The following FEZ1 variants were observed in gnomAD, a reference collection of about 807,000 sequenced individuals.
FEZ1 encodes the protein fasciculation and elongation protein zeta 1.
FEZ1 carries 20 observed loss-of-function variants against 49.3 expected under a neutral mutation model. That is an observed-to-expected ratio of 0.41 (90% CI 0.29 to 0.59). The LOEUF (loss-of-function observed/expected upper bound fraction) is 0.59, where lower values mean the gene tolerates loss of function less well. FEZ1 is among the 20% of genes least tolerant of loss of function. The probability of loss-of-function intolerance (pLI) is 0.36; values close to 1 mark genes in which losing one functional copy is unlikely to be tolerated. For missense variants in FEZ1, 413 were observed against 476.0 expected (o/e 0.87, Z 1.23); for synonymous variants, 170 against 180.9 (o/e 0.94, Z 0.48).
At chr11:125,482,039 G>A (rs1419202466) in intron 2 of FEZ1, among the ~76,000 whole-genome samples, 1 of 152,092 alleles carries the variant, frequency 6.6e-6, no homozygotes, top group Non-Finnish European at 1.5e-5. Context: ...GAGAGAGAGA[G>A]AAAGGGAGAG....
At chr11:125,480,753 T>C (rs1453417945) in intron 3 of FEZ1, among the ~76,000 whole-genome samples, 4 of 152,126 alleles carry the variant, frequency 2.6e-5, no homozygotes, top group Admixed American at 6.6e-5. Flanking sequence ...TTGATAGTAA[T>C]GGCAGGCTGG....
At chr11:125,474,480 A>G (rs748637994) in intron 3 of FEZ1, among the ~76,000 whole-genome samples, 9 of 152,196 alleles carry the variant, frequency 5.9e-5, no homozygotes, top group Non-Finnish European at 1.2e-4. Context: ...CATCACATTT[A>G]AAAAACATTT....
At position 125,444,615 on chromosome 11, in the gene FEZ1, A is replaced by G. The variant is rs1366581189; in HGVS notation, c.*1480T>C. Among the ~76,000 whole-genome samples the G allele has an allele frequency of 6.7e-6, 1 of 149,962 alleles. No homozygotes were observed. The highest frequency in any genetic ancestry group is 1.5e-5 in the Non-Finnish European group (1 of 67,632). ...AAAAAAAGCAGAGGCCCAGGAAGGGAGGCAGGGCACTGGGAGTGCCTTCTG... is the reference window on the plus strand; with the variant it reads ...AAAAAAAGCAGAGGCCCAGGAAGGGGGGCAGGGCACTGGGAGTGCCTTCTG... On this transcript the variant is annotated 3_prime_UTR_variant, in exon 10 of 10. Transcript: ENST00000278919.
At chr11:125,482,931 T>C (rs916830794) in intron 2 of FEZ1, among the ~76,000 whole-genome samples, 1 of 136,024 alleles carries the variant, frequency 7.4e-6, no homozygotes, top group African/African-American at 2.8e-5. Flanking sequence ...TGAGCCATGA[T>C]TGTGTCACTG....
chr11:125,489,810 A>C lies in FEZ1; in HGVS notation c.-33T>G, dbSNP rs1957364926. The C allele has an allele frequency of 6.6e-7, 1 of 1,516,552 alleles. No individual in the cohort carries two copies. Among genetic ancestry groups the C allele is most frequent in the Non-Finnish European group, 8.8e-7 (1 of 1,134,376 alleles). The allele number at this position is 1,516,552 out of a possible 1,614,324, so 93.9% of individuals were successfully genotyped here. A position where few individuals can be genotyped will look rare whatever the true frequency, so the allele number is the denominator to read the frequency against. On this transcript the variant is annotated 5_prime_UTR_variant, in exon 2 of 10. Transcript: ENST00000278919. The surrounding 1 kb of genome is among the most constrained non-coding windows in gnomAD (Gnocchi z 4.2). ...CAGCAGGAGAACAACAGCGACTTTC[A>C]GGATGAGTTTATCTAAAAGAAATGA...
At chr11:125,455,010 T>A (rs538095683) in intron 6 of FEZ1, among the ~76,000 whole-genome samples, 2 of 129,826 alleles carry the variant, frequency 1.5e-5, no homozygotes, top group South Asian at 5.1e-4. Flanking sequence ...TGAGACTCCA[T>A]CTCACCAAAA....
chr11:125,445,283 C>T lies in FEZ1; in HGVS notation c.*812G>A, dbSNP rs1192181311. 2.0e-5 allele frequency among the ~76,000 whole-genome samples: 3 copies of T among 152,192 alleles called. No homozygotes were observed. Among genetic ancestry groups the T allele is most frequent in the Non-Finnish European group, 4.4e-5 (3 of 68,024 alleles). ...AGTACAGGAAACAAGTTGCAGTCCC[C>T]TACGTTGGGAAAGCTCAGCAGAGCT... On this transcript the variant is annotated 3_prime_UTR_variant, in exon 10 of 10. Transcript: ENST00000278919. This position sits in a 1 kb window ranked among gnomAD's most constrained non-coding sequence, Gnocchi z 4.4.
intron 3 of FEZ1, among the ~76,000 whole-genome samples, chr11:125,464,915 A>G (rs1385220939): frequency 6.6e-6 from 1 of 152,082 alleles, no homozygotes. Flanking sequence ...CGTGGTTTCC[A>G]CCGCTCCCCA....
chr11:125,469,431 G>C (rs377112342), intron 3 of FEZ1, among the ~76,000 whole-genome samples: 2 of 152,034 alleles, frequency 1.3e-5, no homozygotes, highest in South Asian at 2.1e-4. Flanking sequence ...ACTAACTTTT[G>C]TATTTTTTGT....
intron 2 of FEZ1, among the ~76,000 whole-genome samples, chr11:125,487,233 G>C (rs140582651): frequency 6.6e-6 from 1 of 152,274 alleles, no homozygotes; most frequent in African/African-American, 2.4e-5. Context: ...GAAGCAAAAG[G>C]AATGGGACGC....
At position 125,450,310 on chromosome 11, in the gene FEZ1, G is replaced by A. The variant is rs139979838; in HGVS notation, c.1097-1743C>T. 9.9e-4 allele frequency among the ~76,000 whole-genome samples: 151 copies of A among 152,280 alleles called. 4 individuals are homozygous for A. The East Asian group carries it at 0.023, about 24-fold the overall frequency. On this transcript the variant is annotated intron_variant, in intron 8 of 9. Transcript: ENST00000278919. ...CTCCCAAAGTGCTGGGATTACAGGC[G>A]TGAGCCACCATACTCGGCCTGTTTT...
Position 125,444,692 on chromosome 11 carries a change from G to A in FEZ1, c.*1403C>T, listed in dbSNP as rs1269196820. On this transcript the variant is annotated 3_prime_UTR_variant, in exon 10 of 10. Coordinates refer to ENST00000278919, the MANE Select transcript of FEZ1 (RefSeq NM_005103.5). ...TCTGTGGAGCTGCTGATGTGATAAA[G>A]TATGGCTTTCTCTGTGGCATGCTTA... Among the ~76,000 whole-genome samples, 1 of 152,162 alleles carries A rather than the reference G, an allele frequency of 6.6e-6. No individual in the cohort carries two copies. The highest frequency in any genetic ancestry group is 1.5e-5 in the Non-Finnish European group (1 of 68,040).
intron 8 of FEZ1, among the ~76,000 whole-genome samples, chr11:125,449,276 G>A (rs1352544322): frequency 1.3e-5 from 2 of 149,802 alleles, no homozygotes; most frequent in Non-Finnish European, 3.0e-5. Context: ...GAACTCCTGG[G>A]CTCAAGCAAT....
At chr11:125,482,044 G>GGA (rs746406179) in intron 2 of FEZ1, among the ~76,000 whole-genome samples, 7 of 151,136 alleles carry the variant, frequency 4.6e-5, no homozygotes, top group South Asian at 2.1e-4. Context: ...AGAGAGAAAG[G>GGA]GAGAGAGAGA....
chr11:125,495,839 G>GC lies in FEZ1; in HGVS notation c.-46+281dup. ...ACACACACACACACACACACACCAG[G>GC]CCTGGCTGGAGGGCCGATGCTGAGA... On this transcript the variant is annotated intron_variant, in intron 1 of 9. Coordinates refer to ENST00000278919, the MANE Select transcript of FEZ1 (RefSeq NM_005103.5). The surrounding 1 kb of genome is among the most constrained non-coding windows in gnomAD (Gnocchi z 4.2). 2 of 310,350 alleles carry GC rather than the reference G, an allele frequency of 6.4e-6. No homozygotes were observed. Among genetic ancestry groups the GC allele is most frequent in the Admixed American group, 4.6e-5 (1 of 21,738 alleles). 19.2% of individuals were successfully genotyped at this position (310,350 alleles called of 1,614,324 possible). A position where few individuals can be genotyped will look rare whatever the true frequency, so the allele number is the denominator to read the frequency against.
chr11:125,489,190 G>T lies in FEZ1; in HGVS notation c.311+277C>A. ...ACTGATATAAAGAAAGCTTAAGATA[G>T]ACAGACCCTGAAATTTACTGTGCTC... On this transcript the variant is annotated intron_variant, in intron 2 of 9. Transcript: ENST00000278919. This position sits in a 1 kb window ranked among gnomAD's most constrained non-coding sequence, Gnocchi z 4.2. 9.1e-7 allele frequency: 1 copy of T among 1,104,126 alleles called. No individual in the cohort carries two copies. The highest frequency in any genetic ancestry group is 4.5e-5 in the South Asian group (1 of 22,432). The allele number at this position is 1,104,126 out of a possible 1,614,324, so 68.4% of individuals were successfully genotyped here.
intron 3 of FEZ1, among the ~76,000 whole-genome samples, chr11:125,477,619 A>G (rs1957243625): frequency 6.6e-6 from 1 of 152,214 alleles, no homozygotes; most frequent in Non-Finnish European, 1.5e-5. Flanking sequence ...TTTACATCCC[A>G]GGAGGCAGAG....
chr11:125,481,842 A>G lies in FEZ1; in HGVS notation c.312-209T>C, dbSNP rs577919873. The stretch of plus-strand genomic sequence containing the variant: ...TGCATGGAGCTTGGCCAGGGGCTTC[A>G]GTGTGAAAGGTGTTTGCTTGAGGGA... On this transcript the variant is annotated intron_variant, in intron 2 of 9. Coordinates refer to ENST00000278919, the MANE Select transcript of FEZ1 (RefSeq NM_005103.5). 3.1e-5 allele frequency: 18 copies of G among 580,670 alleles called. No individual in the cohort carries two copies. The Admixed American group carries it at 3.8e-4, about 12-fold the overall frequency. The allele number at this position is 580,670 out of a possible 1,614,324, so 36.0% of individuals were successfully genotyped here. A position where few individuals can be genotyped will look rare whatever the true frequency, so the allele number is the denominator to read the frequency against.
intron 9 of FEZ1, among the ~76,000 whole-genome samples, chr11:125,446,732 A>G (rs1478224036): frequency 1.3e-5 from 2 of 151,910 alleles, no homozygotes; most frequent in Non-Finnish European, 2.9e-5. Flanking sequence ...GGCTGGATGC[A>G]GTGGTGTGAT....
Sources: allele counts gnomAD v4.1 joint callset (sites outside exome capture counted in the v4.1 genomes callset), GRCh38; gene constraint gnomAD v4.1.1; non-coding constraint Gnocchi (gnomAD v3.1); transcripts MANE v1.5; gene names NCBI Gene and HGNC (gene_info 2026-07-23, HGNC 2026-07-21).